RAB2A: variants seen among roughly 807,000 people sequenced by gnomAD.
The protein encoded by RAB2A is ras-related protein Rab-2A.
Under a neutral mutation model 32.5 loss-of-function variants are expected in RAB2A, and 7 were observed. That is an observed-to-expected ratio of 0.22 (90% CI 0.12 to 0.40). The LOEUF (loss-of-function observed/expected upper bound fraction) is 0.40. RAB2A is among the 10% of genes least tolerant of loss of function. The pLI, the probability that RAB2A is intolerant of heterozygous loss-of-function variation, is 1.00. For missense variants in RAB2A, 108 were observed against 260.7 expected, an observed-to-expected ratio of 0.41 and a Z score of 4.03; for synonymous variants, 79 against 85.2, an observed-to-expected ratio of 0.93 and a Z score of 0.40.
intron 2 of RAB2A, chr8:60,559,174 T>C (rs560145655): frequency 8.5e-6 from 3 of 352,520 alleles, no homozygotes; most frequent in East Asian, 1.1e-4. Flanking sequence ...TAATTAGCGA[T>C]GAAACAATTT....
At chr8:60,525,629 T>C (rs1247117808) in intron 1 of RAB2A, among the ~76,000 whole-genome samples, 1 of 152,144 alleles carries the variant, frequency 6.6e-6, no homozygotes, top group East Asian at 1.9e-4. Flanking sequence ...TTCTCCCAGT[T>C]CTCACTTTAA....
At chr8:60,606,794 G>T (rs2150435138) in intron 6 of RAB2A, among the ~76,000 whole-genome samples, 2 of 152,358 alleles carry the variant, frequency 1.3e-5, no homozygotes, top group Middle Eastern at 3.4e-3. Context: ...AGCTGGAGTG[G>T]CTGAGATACA....
chr8:60,602,292 C>T (rs1355095178), intron 6 of RAB2A, among the ~76,000 whole-genome samples: 1 of 152,094 alleles, frequency 6.6e-6, no homozygotes, highest in Non-Finnish European at 1.5e-5. Context: ...TCTTATATCC[C>T]ATTTGTTGAG....
intron 2 of RAB2A, 71 bp downstream of exon 2, chr8:60,558,994 C>A: frequency 9.1e-7 from 1 of 1,095,050 alleles, no homozygotes; most frequent in Non-Finnish European, 1.4e-6. Flanking sequence ...CTAGAAGGTC[C>A]ATTCTACTAG....
intron 1 of RAB2A, among the ~76,000 whole-genome samples, chr8:60,523,881 G>A (rs1333336419): frequency 2.6e-5 from 4 of 151,734 alleles, no homozygotes; most frequent in African/African-American, 4.8e-5. Flanking sequence ...TAGTAGAGAC[G>A]GGGTTTCACC....
At chr8:60,587,026 CT>C (rs1365277488) in intron 5 of RAB2A, among the ~76,000 whole-genome samples, 1 of 151,598 alleles carries the variant, frequency 6.6e-6, no homozygotes, top group Admixed American at 6.6e-5. Flanking sequence ...GACAAGCTGA[CT>C]TTAAAGTTTA....
rs562885292 is a variant in RAB2A, at chr8:60,549,742, A to G, written c.47-9110A>G. Among the ~76,000 whole-genome samples, 3 of 152,262 alleles carry G rather than the reference A, an allele frequency of 2.0e-5. No individual in the cohort carries two copies. The South Asian group carries it at 6.2e-4, about 32-fold the overall frequency. On this transcript the variant is annotated intron_variant, in intron 1 of 7. Transcript: ENST00000262646. ...CATAAATTTTTTTAAAAGAGTAGAT[A>G]GTTGCTTTTTCTTTAATTTTCCATT...
Position 60,517,153 on chromosome 8 carries a change from G to A in RAB2A, c.-55G>A, listed in dbSNP as rs532805739. 14 of 1,461,132 alleles carry A rather than the reference G, an allele frequency of 9.6e-6. No individual in the cohort carries two copies. The highest frequency in any genetic ancestry group is 1.3e-5 in the Non-Finnish European group (14 of 1,101,720). The allele number at this position is 1,461,132 out of a possible 1,614,324, so 90.5% of individuals were successfully genotyped here. A position where few individuals can be genotyped will look rare whatever the true frequency, so the allele number is the denominator to read the frequency against. On this transcript the variant is annotated 5_prime_UTR_variant, in exon 1 of 8. Coordinates refer to ENST00000262646, the MANE Select transcript of RAB2A (RefSeq NM_002865.3). ...GCGGCACCGGGGTTGGGGCGCGGAGGAGGAGCAGCAGCGGGAGGAGGAGCC... is the reference window on the plus strand; with the variant it reads ...GCGGCACCGGGGTTGGGGCGCGGAGAAGGAGCAGCAGCGGGAGGAGGAGCC...
In RAB2A at chr8:60,521,766, G is replaced by A. The variant is rs113613662; in HGVS notation, c.46+4513G>A. Among the ~76,000 whole-genome samples the A allele has an allele frequency of 2.0e-3, 300 of 152,202 alleles. 1 individual carries two copies. Among genetic ancestry groups the A allele is most frequent in the African/African-American group, 6.5e-3 (270 of 41,528 alleles). The stretch of plus-strand genomic sequence containing the variant: ...CTCCCCAGTAGCTGGGATTACAGGC[G>A]TCTGCCCCCACGCCCAGCTGATTTT... On this transcript the variant is annotated intron_variant, in intron 1 of 7. Coordinates refer to ENST00000262646, the MANE Select transcript of RAB2A (RefSeq NM_002865.3).
At chr8:60,620,538 G>T in intron 7 of RAB2A, 136 bp from the exon 8 acceptor site, 1 of 656,016 alleles carries the variant, frequency 1.5e-6, no homozygotes, top group East Asian at 2.8e-5. Context: ...TGTTTTAATT[G>T]TTGCTAAAAT....
intron 3 of RAB2A, among the ~76,000 whole-genome samples, chr8:60,577,782 C>A (rs1184976448): frequency 6.7e-6 from 1 of 149,034 alleles, no homozygotes; most frequent in Non-Finnish European, 1.5e-5. Context: ...CCCGCCACCA[C>A]GCCCGGCTAA....
intron 3 of RAB2A, among the ~76,000 whole-genome samples, chr8:60,575,653 C>CTT (rs35451518): frequency 1.1e-3 from 122 of 113,192 alleles, no homozygotes; most frequent in Non-Finnish European, 1.5e-3. Flanking sequence ...GGATATTTGT[C>CTT]TTTTTTTTTT....
At chr8:60,607,948 T>C (rs1052751137) in intron 6 of RAB2A, among the ~76,000 whole-genome samples, 1 of 152,220 alleles carries the variant, frequency 6.6e-6, no homozygotes, top group Non-Finnish European at 1.5e-5. Flanking sequence ...ACTCCATTTC[T>C]CCTGGATGTT....
chr8:60,590,465 T>A (rs1233568459), intron 5 of RAB2A, among the ~76,000 whole-genome samples: 1 of 149,644 alleles, frequency 6.7e-6, no homozygotes, highest in Non-Finnish European at 1.5e-5. Context: ...TAGTGAGACT[T>A]TGTCTCTGAA....
At chr8:60,554,938 T>C (rs921802246) in intron 1 of RAB2A, among the ~76,000 whole-genome samples, 2 of 151,784 alleles carry the variant, frequency 1.3e-5, no homozygotes, top group African/African-American at 2.4e-5. Context: ...AAAGGCAGAG[T>C]GGAGAGTGTT....
chr8:60,526,056 T>TGTGC (rs1807382459), intron 1 of RAB2A, among the ~76,000 whole-genome samples: 1 of 125,540 alleles, frequency 8.0e-6, no homozygotes, highest in African/African-American at 3.0e-5. Flanking sequence ...TATATATATA[T>TGTGC]AAGTTTTCTG....
chr8:60,547,706 G>A (rs1444026696), intron 1 of RAB2A, among the ~76,000 whole-genome samples: 1 of 109,216 alleles, frequency 9.2e-6, no homozygotes, highest in East Asian at 3.2e-4. Flanking sequence ...CGGGGGGGCT[G>A]ACCCCCCCAC....
At chr8:60,526,185 TG>T (rs1370721962) in intron 1 of RAB2A, among the ~76,000 whole-genome samples, 1 of 152,052 alleles carries the variant, frequency 6.6e-6, no homozygotes, top group Non-Finnish European at 1.5e-5. Context: ...TCAACAGGAC[TG>T]GGTTCCCTTC....
chr8:60,574,592 C>T (rs1467218743), intron 3 of RAB2A, among the ~76,000 whole-genome samples: 5 of 152,150 alleles, frequency 3.3e-5, no homozygotes, highest in East Asian at 1.9e-4. Flanking sequence ...TTCTTCTATT[C>T]TTAAAGTAGT....
Sources: allele counts gnomAD v4.1 joint callset (sites outside exome capture counted in the v4.1 genomes callset), GRCh38; gene constraint gnomAD v4.1.1; transcripts MANE v1.5; gene names NCBI Gene and HGNC (gene_info 2026-07-23, HGNC 2026-07-21).